The following LRRC28 variants were observed in gnomAD, a reference collection of about 807,000 sequenced individuals.
LRRC28 encodes the protein leucine rich repeat containing 28.
A neutral mutation model predicts 45.7 loss-of-function variants in LRRC28; 39 were observed. That is an observed-to-expected ratio of 0.85 (90% CI 0.66 to 1.12). LRRC28 has a LOEUF of 1.12. Among genes scored for constraint, LRRC28 ranks in the 50% most tolerant of loss-of-function variants. The probability of loss-of-function intolerance (pLI) is 0.00; values close to 1 mark genes in which losing one functional copy is unlikely to be tolerated. For synonymous variants in LRRC28, 206 were observed against 178.8 expected, an observed-to-expected ratio of 1.15 and a Z score of -1.22; for missense variants, 435 against 438.5, an observed-to-expected ratio of 0.99 and a Z score of 0.07.
chr15:99,305,312 C>T (rs890364381), intron 5 of LRRC28, among the ~76,000 whole-genome samples: 1 of 152,126 alleles, frequency 6.6e-6, no homozygotes, highest in Non-Finnish European at 1.5e-5. Context: ...GTTGACAAGT[C>T]TTTCAGGGCT....
At chr15:99,275,921 G>T (rs1304620497) in intron 2 of LRRC28, among the ~76,000 whole-genome samples, 1 of 152,146 alleles carries the variant, frequency 6.6e-6, no homozygotes, top group East Asian at 1.9e-4. Context: ...GAGGTGAGTG[G>T]CAGGCAAGCA....
intron 3 of LRRC28, chr15:99,285,501 G>A (rs189954071): frequency 1.8e-5 from 19 of 1,072,276 alleles, no homozygotes; most frequent in African/African-American, 7.8e-5. Flanking sequence ...GGCTCTCATC[G>A]GTTGTTTCAA....
intron 9 of LRRC28, among the ~76,000 whole-genome samples, chr15:99,380,284 T>G (rs1445878668): frequency 6.6e-6 from 1 of 152,228 alleles, no homozygotes; most frequent in Non-Finnish European, 1.5e-5. Context: ...CCCTTTACCA[T>G]TATGTAATGG....
At chr15:99,344,802 G>A (rs1956628010) in intron 6 of LRRC28, among the ~76,000 whole-genome samples, 2 of 152,120 alleles carry the variant, frequency 1.3e-5, no homozygotes, top group South Asian at 4.1e-4. Context: ...TTGCAGTATA[G>A]AGAAAAGAGG....
intron 6 of LRRC28, among the ~76,000 whole-genome samples, chr15:99,338,788 T>TTATAAGTGTTAATA (rs1956410625): frequency 6.6e-6 from 1 of 152,230 alleles, no homozygotes; most frequent in Non-Finnish European, 1.5e-5. Flanking sequence ...TATAATACTG[T>TTATAAGTGTTAATA]CTAACCCATT....
At chr15:99,319,190 A>G (rs1955705046) in intron 5 of LRRC28, among the ~76,000 whole-genome samples, 1 of 152,162 alleles carries the variant, frequency 6.6e-6, no homozygotes, top group Non-Finnish European at 1.5e-5. Flanking sequence ...TATACCAACA[A>G]TAGACACCTA....
At chr15:99,312,863 G>A (rs957253332) in intron 5 of LRRC28, among the ~76,000 whole-genome samples, 2 of 151,998 alleles carry the variant, frequency 1.3e-5, no homozygotes, top group African/African-American at 4.8e-5. Flanking sequence ...AAAATAGAAT[G>A]GAAAAACAGA....
intron 5 of LRRC28, among the ~76,000 whole-genome samples, chr15:99,324,395 A>C (rs1444826789): frequency 1.3e-5 from 2 of 152,164 alleles, no homozygotes; most frequent in Non-Finnish European, 2.9e-5. Flanking sequence ...GTATGTTCTC[A>C]ACCCAGTGTG....
rs1045785537 is a variant in LRRC28, at chr15:99,273,119, A to G, written c.169-3457A>G. On this transcript the variant is annotated intron_variant, in intron 2 of 9. Coordinates refer to ENST00000301981, the MANE Select transcript of LRRC28 (RefSeq NM_144598.5). Reference sequence around the variant, plus strand: ...GCTACATTGCTAAAAATATGGCATTAGAAAACAGAGAGTGATATTATGGAA... The same window carrying G: ...GCTACATTGCTAAAAATATGGCATTGGAAAACAGAGAGTGATATTATGGAA... Among the ~76,000 whole-genome samples, 15 of 152,252 alleles carry G rather than the reference A, an allele frequency of 9.9e-5. 1 individual carries two copies. The highest frequency in any genetic ancestry group is 2.1e-4 in the Non-Finnish European group (14 of 68,038).
chr15:99,261,507 T>C (rs995686023), intron 2 of LRRC28, among the ~76,000 whole-genome samples: 1 of 152,196 alleles, frequency 6.6e-6, no homozygotes, highest in Non-Finnish European at 1.5e-5. Context: ...GCCTTTTTGC[T>C]GTATTCTCAC....
intron 9 of LRRC28, among the ~76,000 whole-genome samples, chr15:99,378,936 G>A (rs4471659): frequency 0.14 from 21,746 of 151,570 alleles, 1,596 homozygotes; most frequent in Non-Finnish European, 0.16. Flanking sequence ...GCTGGATTCG[G>A]TTTCCCAGTA....
At chr15:99,382,901 C>T (rs1957872186) in intron 9 of LRRC28, among the ~76,000 whole-genome samples, 3 of 151,802 alleles carry the variant, frequency 2.0e-5, no homozygotes, top group Admixed American at 2.0e-4. Context: ...ATTGAAGTCC[C>T]CAATTCTATT....
chr15:99,374,304 T>A (rs1339922852), intron 9 of LRRC28, among the ~76,000 whole-genome samples: 1 of 152,242 alleles, frequency 6.6e-6, no homozygotes, highest in Admixed American at 6.5e-5. Context: ...AGCATATAAA[T>A]CATTAAACGT....
At chr15:99,359,820 A>C (rs935668213) in intron 7 of LRRC28, among the ~76,000 whole-genome samples, 4 of 152,252 alleles carry the variant, frequency 2.6e-5, no homozygotes, top group Non-Finnish European at 5.9e-5. Flanking sequence ...ATAAAAGATT[A>C]TGTGAACAAA....
intron 2 of LRRC28, among the ~76,000 whole-genome samples, chr15:99,263,131 A>G (rs2081243804): frequency 7.1e-6 from 1 of 140,712 alleles, no homozygotes; most frequent in African/African-American, 2.7e-5. Flanking sequence ...GCAACATCAC[A>G]AAATGCTGTC....
intron 5 of LRRC28, among the ~76,000 whole-genome samples, chr15:99,305,796 T>C (rs1955161361): frequency 6.6e-6 from 1 of 152,234 alleles, no homozygotes; most frequent in Admixed American, 6.5e-5. Context: ...AATCCTTCTT[T>C]GTGTTTCTCC....
At chr15:99,317,191 C>T (rs765989158) in intron 5 of LRRC28, among the ~76,000 whole-genome samples, 1 of 151,848 alleles carries the variant, frequency 6.6e-6, no homozygotes, top group African/African-American at 2.4e-5. Context: ...TTTTATTTTT[C>T]CTGTATAAAA....
intron 3 of LRRC28, among the ~76,000 whole-genome samples, chr15:99,281,942 G>A (rs547956952): frequency 6.6e-6 from 1 of 152,064 alleles, no homozygotes; most frequent in South Asian, 2.1e-4. Context: ...CTTTTTGCCT[G>A]GAGTACCTTT....
At position 99,252,999 on chromosome 15, in the gene LRRC28, T is replaced by A. The variant is rs1243812703; in HGVS notation, c.-61+1458T>A. On this transcript the variant is annotated intron_variant, in intron 1 of 9. Coordinates refer to ENST00000301981, the MANE Select transcript of LRRC28 (RefSeq NM_144598.5). ...TTTATTTACAGGCTTTTTGGCTTTA[T>A]TGACAATAGACAGATGCAACGATAA... 2.0e-5 allele frequency among the ~76,000 whole-genome samples: 3 copies of A among 152,206 alleles called. No homozygotes were observed. In the East Asian group the frequency reaches 5.8e-4, roughly 29 times the overall value.
Sources: gnomAD v4.1 joint callset for allele counts (sites outside exome capture counted in the v4.1 genomes callset) on GRCh38, gnomAD v4.1.1 for gene constraint, MANE v1.5 for transcripts, NCBI Gene and HGNC (gene_info 2026-07-23, HGNC 2026-07-21) for gene names.